Variants in EXOC4 observed in about 807,000 individuals in gnomAD.
EXOC4 encodes SEC8-like 1.
Under a neutral mutation model 107.2 loss-of-function variants are expected in EXOC4, and 71 were observed. That is an observed-to-expected ratio of 0.66 (90% confidence interval 0.55 to 0.81). The LOEUF (loss-of-function observed/expected upper bound fraction) is 0.81. EXOC4 is among the 30% of genes least tolerant of loss of function. The pLI, the probability that EXOC4 is intolerant of heterozygous loss-of-function variation, is 0.00. For synonymous variants in EXOC4, 456 were observed against 441.2 expected (o/e 1.03, Z -0.42); for missense variants, 1,108 against 1,189.6 (o/e 0.93, Z 1.01).
chr7:134,004,270 TAC>T (rs1447434373), intron 15 of EXOC4, among the ~76,000 whole-genome samples: 1 of 152,194 alleles, frequency 6.6e-6, no homozygotes, highest in African/African-American at 2.4e-5. Flanking sequence ...TGACAGCCAG[TAC>T]TTACTATGCA....
chr7:134,027,312 T>C (rs1005878829), intron 17 of EXOC4, among the ~76,000 whole-genome samples: 1 of 152,000 alleles, frequency 6.6e-6, no homozygotes, highest in African/African-American at 2.4e-5. Context: ...CGCACTTCTG[T>C]CTGAGAAAGA....
At chr7:134,085,027 T>A in the EXOC4 span, among the ~76,000 whole-genome samples, 1 of 152,224 alleles carries the variant, frequency 6.6e-6, no homozygotes, top group African/African-American at 2.4e-5. Flanking sequence ...AACACTCAGC[T>A]GTATATGAGT....
intron 10 of EXOC4, among the ~76,000 whole-genome samples, chr7:133,815,065 A>T (rs186068363): frequency 6.6e-6 from 1 of 152,186 alleles, no homozygotes; most frequent in African/African-American, 2.4e-5. Context: ...ATGCAAAGCA[A>T]TCTTAATCAA....
chr7:133,442,525 C>G (rs182641797), intron 7 of EXOC4, among the ~76,000 whole-genome samples: 1 of 152,130 alleles, frequency 6.6e-6, no homozygotes, highest in African/African-American at 2.4e-5. Flanking sequence ...CTGAAACACC[C>G]TCGAGGCATG....
chr7:134,052,234 T>A (rs1275419754), intron 17 of EXOC4, among the ~76,000 whole-genome samples: 2 of 152,094 alleles, frequency 1.3e-5, no homozygotes, highest in Non-Finnish European at 2.9e-5. Context: ...TGGGATCACA[T>A]AAAGGGTTTG....
chr7:133,423,295 T>C (rs1429217423), intron 7 of EXOC4, among the ~76,000 whole-genome samples: 1 of 152,232 alleles, frequency 6.6e-6, no homozygotes, highest in Non-Finnish European at 1.5e-5. Flanking sequence ...ATAAGTTTCT[T>C]TGTGAGAATT....
chr7:133,768,300 A>AT (rs1223559073), intron 10 of EXOC4: 1 of 151,936 alleles, frequency 6.6e-6, no homozygotes, highest in African/African-American at 2.4e-5. Context: ...AGGAATATAG[A>AT]TTTTTTTAAT....
chr7:133,375,240 C>T (rs1584864875), intron 7 of EXOC4, among the ~76,000 whole-genome samples: 1 of 152,142 alleles, frequency 6.6e-6, no homozygotes, highest in Admixed American at 6.6e-5. Context: ...CTTTGGGAGG[C>T]CAAGGCGGGT....
intron 7 of EXOC4, among the ~76,000 whole-genome samples, chr7:133,384,682 C>T (rs1167105990): frequency 1.4e-5 from 2 of 144,212 alleles, no homozygotes; most frequent in Non-Finnish European, 3.0e-5. Context: ...GGTTTTAGAG[C>T]AAAGGTAATT....
At chr7:133,828,416 T>C (rs1797745663) in intron 11 of EXOC4, among the ~76,000 whole-genome samples, 1 of 152,094 alleles carries the variant, frequency 6.6e-6, no homozygotes, top group Non-Finnish European at 1.5e-5. Flanking sequence ...GCCAGATGAG[T>C]GTAGACAGAG....
intron 11 of EXOC4, among the ~76,000 whole-genome samples, chr7:133,857,012 G>A (rs990853448): frequency 1.4e-5 from 2 of 147,210 alleles, no homozygotes; most frequent in Non-Finnish European, 1.5e-5. Context: ...CAGGAGAATC[G>A]CTCGAACCCG....
At chr7:133,435,353 G>A (rs948081022) in intron 7 of EXOC4, among the ~76,000 whole-genome samples, 4 of 151,734 alleles carry the variant, frequency 2.6e-5, no homozygotes, top group Admixed American at 2.6e-4. Context: ...TTGCTTTTTG[G>A]GGGTAGGTTA....
chr7:133,740,872 C>T (rs956879651), intron 10 of EXOC4, among the ~76,000 whole-genome samples: 2 of 152,090 alleles, frequency 1.3e-5, no homozygotes, highest in African/African-American at 4.8e-5. Flanking sequence ...TATTAACATC[C>T]TCACATTAGA....
chr7:133,356,292 G>T, intron 5 of EXOC4, 38 bp from the exon 6 acceptor site: 2 of 1,601,588 alleles, frequency 1.2e-6, no homozygotes, highest in Non-Finnish European at 1.7e-6. Flanking sequence ...TTTTTGAGTG[G>T]AGTCTGTATC....
chr7:133,948,998 C>T (rs549840556), intron 14 of EXOC4, among the ~76,000 whole-genome samples: 4 of 152,242 alleles, frequency 2.6e-5, no homozygotes, highest in South Asian at 2.1e-4. Context: ...AGCAGCAAGG[C>T]GAATGCAATG....
At chr7:133,636,006 G>T (rs898401927) in intron 10 of EXOC4, among the ~76,000 whole-genome samples, 1 of 152,166 alleles carries the variant, frequency 6.6e-6, no homozygotes, top group African/African-American at 2.4e-5. Context: ...ATTTCAACTG[G>T]AAAGGAGTTT....
At chr7:133,646,956 C>T (rs1803008174) in intron 10 of EXOC4, among the ~76,000 whole-genome samples, 1 of 152,098 alleles carries the variant, frequency 6.6e-6, no homozygotes, top group Non-Finnish European at 1.5e-5. Context: ...CACACATGGC[C>T]CTTAATGGAT....
At chr7:133,564,140 A>G (rs987051846) in intron 9 of EXOC4, among the ~76,000 whole-genome samples, 1 of 152,200 alleles carries the variant, frequency 6.6e-6, no homozygotes, top group African/African-American at 2.4e-5. Context: ...GTGATTTATA[A>G]AGAAAAAGAG....
intron 13 of EXOC4, among the ~76,000 whole-genome samples, chr7:133,924,320 CA>C (rs1485628933): frequency 3.9e-5 from 6 of 152,150 alleles, no homozygotes; most frequent in Admixed American, 2.0e-4. Flanking sequence ...TCTTGTTCCT[CA>C]GCTTATTTTT....
Sources: gnomAD v4.1 joint callset for allele counts (sites outside exome capture counted in the v4.1 genomes callset) on GRCh38, gnomAD v4.1.1 for gene constraint, MANE v1.5 for transcripts, NCBI Gene and HGNC (gene_info 2026-07-23, HGNC 2026-07-21) for gene names.